ABCC5: variants seen among roughly 807,000 people sequenced by gnomAD.
The protein encoded by ABCC5 is ATP-binding cassette sub-family C member 5.
Under a neutral mutation model 160.9 loss-of-function variants are expected in ABCC5, and 61 were observed. The ratio of observed to expected loss-of-function variants is 0.38; its 90% CI spans 0.31 to 0.47. The LOEUF (loss-of-function observed/expected upper bound fraction) is 0.47. ABCC5 is among the 20% of genes least tolerant of loss of function. The pLI is 0.99. For synonymous variants in ABCC5, 666 were observed against 700.6 expected, an observed-to-expected ratio of 0.95 and a Z score of 0.78; for missense variants, 1,308 against 1,813.3, an observed-to-expected ratio of 0.72 and a Z score of 5.06.
At chr3:183,933,771 G>A (rs1031108979) in intron 26 of ABCC5, among the ~76,000 whole-genome samples, 6 of 152,162 alleles carry the variant, frequency 3.9e-5, no homozygotes, top group Non-Finnish European at 7.3e-5. Context: ...TTTATCTTGT[G>A]ACTTTCTGAG....
chr3:183,984,048 G>A (rs1576896755), intron 5 of ABCC5: 2 of 985,390 alleles, frequency 2.0e-6, no homozygotes, highest in Non-Finnish European at 2.4e-6. Flanking sequence ...ATTCTGCAAC[G>A]GAGTAGATTC....
intron 1 of ABCC5, 47 bp from the exon 2 acceptor site, chr3:184,014,494 C>A (rs1722025105): frequency 2.5e-6 from 3 of 1,185,484 alleles, no homozygotes; most frequent in South Asian, 2.3e-5. Context: ...CTAAACAGTA[C>A]TTAACCATAA....
At chr3:184,002,054 A>G (rs926295778) in intron 2 of ABCC5, among the ~76,000 whole-genome samples, 12 of 152,188 alleles carry the variant, frequency 7.9e-5, no homozygotes, top group Admixed American at 2.0e-4. Flanking sequence ...TACCAAGGTA[A>G]TGGCAATGGG....
intron 17 of ABCC5, among the ~76,000 whole-genome samples, chr3:183,957,489 C>T (rs138423612): frequency 5.9e-4 from 86 of 146,114 alleles, no homozygotes; most frequent in South Asian, 2.8e-3. Flanking sequence ...CAGTTACATG[C>T]GGATCCGTGT....
chr3:183,951,378 C>G lies in ABCC5; in HGVS notation c.2944+63G>C. 1 of 1,583,194 alleles carries G rather than the reference C, an allele frequency of 6.3e-7. No homozygotes were observed. The highest frequency in any genetic ancestry group is 1.8e-5 in the Admixed American group (1 of 56,818). On this transcript the variant is annotated intron_variant, in intron 20 of 29. Transcript: ENST00000334444. The surrounding 1 kb of genome is among the most constrained non-coding windows in gnomAD (Gnocchi z 4.7). ...AGACAGATCTGCACATTTGGAGAAT[C>G]ATCTAGAAGGCTGGAAGCACAGTGA...
intron 2 of ABCC5, among the ~76,000 whole-genome samples, chr3:183,996,162 G>A (rs946643445): frequency 6.6e-6 from 1 of 152,092 alleles, no homozygotes; most frequent in Non-Finnish European, 1.5e-5. Context: ...AGGAAAACTT[G>A]GCAAGCAATC....
At chr3:183,979,989 C>T (rs995854046) in intron 8 of ABCC5, among the ~76,000 whole-genome samples, 6 of 152,108 alleles carry the variant, frequency 3.9e-5, no homozygotes, top group Non-Finnish European at 8.8e-5. Flanking sequence ...GATCCTCCTG[C>T]CTCGGCCTCT....
At chr3:183,977,476 G>T (rs1395475510) in intron 10 of ABCC5, 41 bp downstream of exon 10, 2 of 1,448,088 alleles carry the variant, frequency 1.4e-6, no homozygotes, top group South Asian at 2.3e-5. Context: ...AGTTGTGTGG[G>T]GAGGGCTCCT....
chr3:183,976,741 A>G (rs1718250474), intron 10 of ABCC5, among the ~76,000 whole-genome samples: 1 of 152,126 alleles, frequency 6.6e-6, no homozygotes, highest in African/African-American at 2.4e-5. Context: ...CATCACCAAA[A>G]TTGCTTTCTT....
At chr3:183,941,139 C>T (rs1425720230) in intron 25 of ABCC5, among the ~76,000 whole-genome samples, 2 of 152,214 alleles carry the variant, frequency 1.3e-5, no homozygotes, top group Non-Finnish European at 2.9e-5. Context: ...GGATTACAGG[C>T]GTGAGCCACT....
At chr3:183,968,904 T>C (rs765516739) in intron 11 of ABCC5, among the ~76,000 whole-genome samples, 3 of 152,194 alleles carry the variant, frequency 2.0e-5, no homozygotes, top group Non-Finnish European at 2.9e-5. Flanking sequence ...TCTGAGCACC[T>C]TGAGGAAAGG....
At chr3:183,991,098 C>T (rs542726761) in intron 2 of ABCC5, among the ~76,000 whole-genome samples, 1 of 151,818 alleles carries the variant, frequency 6.6e-6, no homozygotes, top group Non-Finnish European at 1.5e-5. Context: ...TCAAGACCAC[C>T]CTGGGCAACA....
intron 23 of ABCC5, 54 bp from the exon 24 acceptor site, chr3:183,945,993 G>A (rs1714805563): frequency 6.6e-7 from 1 of 1,513,160 alleles, no homozygotes; most frequent in African/African-American, 1.4e-5. Context: ...TACACGCCAG[G>A]CCAATGCTGG....
Position 183,928,776 on chromosome 3 carries a change from C to T in ABCC5, c.3904G>A (p.Ala1302Thr), listed in dbSNP as rs1244685302. 3 of 1,614,154 alleles carry T rather than the reference C, an allele frequency of 1.9e-6. No homozygotes were observed. The African/African-American group carries it at 4.0e-5, about 22-fold the overall frequency. Residue 1302 changes from alanine to threonine, a missense_variant, in exon 27 of 30, where the codon GCC becomes ACC. Physicochemically the swap from Ala to Thr is moderately conservative, Grantham distance 58 (BLOSUM62 0). Transcript: ENST00000334444. ...NQYTEDQIWDALERTHMKECI... is the reference protein window; with the variant it reads ...NQYTEDQIWDTLERTHMKECI... ...TCTTTCATGTGTGTCCTCTCCAGGG[C>T]ATCCCAAATCTGGTCTTCAGTGTAC...
chr3:183,945,837 A>C lies in ABCC5; in HGVS notation c.3504+13T>G, dbSNP rs1714790527. On this transcript the variant is annotated intron_variant, in intron 24 of 29. Transcript: ENST00000334444. ...GGAGTCAGATCACGGTAAAAGGCCT[A>C]CAGCAGTCTGACCTTAATGTAGTGA... 2 of 1,611,432 alleles carry C rather than the reference A, an allele frequency of 1.2e-6. No individual in the cohort carries two copies. Among genetic ancestry groups the C allele is most frequent in the Non-Finnish European group, 8.5e-7 (1 of 1,177,688 alleles).
In ABCC5 at chr3:183,945,832, G is replaced by T. The variant is rs28365023; in HGVS notation, c.3504+18C>A. 6.8e-6 allele frequency: 11 copies of T among 1,607,770 alleles called. No homozygotes were observed. The East Asian group carries it at 2.0e-4, about 29-fold the overall frequency. The stretch of plus-strand genomic sequence containing the variant: ...CAAGAGGAGTCAGATCACGGTAAAA[G>T]GCCTACAGCAGTCTGACCTTAATGT... On this transcript the variant is annotated intron_variant, in intron 24 of 29. Coordinates refer to ENST00000334444, the MANE Select transcript of ABCC5 (RefSeq NM_005688.4).
chr3:183,985,326 TGCCCA>T, intron 5 of ABCC5: 1 of 1,614,118 alleles, frequency 6.2e-7, no homozygotes, highest in Non-Finnish European at 8.5e-7. Flanking sequence ...CGAGAGATTC[TGCCCA>T]GCTTGACTCT....
intron 8 of ABCC5, among the ~76,000 whole-genome samples, chr3:183,980,311 A>T (rs981313384): frequency 1.3e-5 from 2 of 152,242 alleles, no homozygotes; most frequent in African/African-American, 2.4e-5. Context: ...TGTATTATAC[A>T]CCTTGGCCAT....
At chr3:183,990,685 C>T (rs1338705701) in intron 2 of ABCC5, among the ~76,000 whole-genome samples, 1 of 152,186 alleles carries the variant, frequency 6.6e-6, no homozygotes, top group Non-Finnish European at 1.5e-5. Context: ...CTCTACACTT[C>T]CCTGCAGCAC....
Sources: gnomAD v4.1 joint callset for allele counts (sites outside exome capture counted in the v4.1 genomes callset) on GRCh38, gnomAD v4.1.1 for gene constraint, Gnocchi (gnomAD v3.1) non-coding constraint, MANE v1.5 for transcripts, NCBI Gene and HGNC (gene_info 2026-07-23, HGNC 2026-07-21) for gene names.